The following SLC7A14 variants were observed in gnomAD, a reference collection of about 807,000 sequenced individuals.
The protein encoded by SLC7A14 is solute carrier family 7 member 14, also known as gamma-aminobutyric acid transporter SLC7A14.
In SLC7A14, 37 loss-of-function variants were observed where a neutral mutation model predicts 60.2. That is an observed-to-expected ratio of 0.61 (90% CI 0.47 to 0.81). The LOEUF is 0.81. SLC7A14 is among the 30% of genes least tolerant of loss of function. The pLI, the probability that SLC7A14 is intolerant of heterozygous loss-of-function variation, is 0.00. For missense variants in SLC7A14, 886 were observed against 982.7 expected (o/e 0.90, Z 1.32); for synonymous variants, 399 against 395.8 (o/e 1.01, Z -0.10).
chr3:170,503,047 A>G (rs1577518977), intron 2 of SLC7A14: 1 of 152,324 alleles, frequency 6.6e-6, no homozygotes, highest in East Asian at 1.9e-4. Context: ...TTTCTTTTAC[A>G]TCAGTTACAA....
At chr3:170,581,052 G>C (rs1381847033) in intron 1 of SLC7A14, among the ~76,000 whole-genome samples, 1 of 152,122 alleles carries the variant, frequency 6.6e-6, no homozygotes, top group Non-Finnish European at 1.5e-5. Flanking sequence ...AGATGCATAA[G>C]GTTCTCCTAA....
intron 1 of SLC7A14, among the ~76,000 whole-genome samples, chr3:170,557,750 T>C (rs961145688): frequency 2.0e-5 from 3 of 152,132 alleles, no homozygotes; most frequent in Non-Finnish European, 4.4e-5. Context: ...ATTGTAAGGA[T>C]TAAAGGAGAT....
intron 1 of SLC7A14, among the ~76,000 whole-genome samples, chr3:170,527,781 T>C (rs1713557000): frequency 6.6e-6 from 1 of 152,162 alleles, no homozygotes; most frequent in Non-Finnish European, 1.5e-5. Context: ...CACACAACTT[T>C]TAGATATTTT....
intron 4 of SLC7A14, chr3:170,496,088 C>T: frequency 1.6e-6 from 2 of 1,231,536 alleles, no homozygotes; most frequent in Non-Finnish European, 2.4e-6. Flanking sequence ...GGCTGACTGA[C>T]GAGATCAACT....
chr3:170,546,922 C>T (rs543438872), intron 1 of SLC7A14, among the ~76,000 whole-genome samples: 17 of 152,252 alleles, frequency 1.1e-4, no homozygotes, highest in African/African-American at 4.1e-4. Flanking sequence ...GCTCACAGCC[C>T]TTATACACAT....
intron 1 of SLC7A14, among the ~76,000 whole-genome samples, chr3:170,548,610 C>T (rs1388753175): frequency 6.6e-6 from 1 of 152,182 alleles, no homozygotes; most frequent in Non-Finnish European, 1.5e-5. Flanking sequence ...GGAAACTTAA[C>T]AAAATAAAAG....
At chr3:170,559,476 A>G (rs1441546429) in intron 1 of SLC7A14, among the ~76,000 whole-genome samples, 1 of 152,198 alleles carries the variant, frequency 6.6e-6, no homozygotes, top group Non-Finnish European at 1.5e-5. Context: ...CTATTATAAT[A>G]GTTTTAAAAT....
intron 7 of SLC7A14, among the ~76,000 whole-genome samples, chr3:170,478,941 G>A (rs902356412): frequency 1.3e-5 from 2 of 152,068 alleles, no homozygotes; most frequent in African/African-American, 4.8e-5. Flanking sequence ...GGCCAACATG[G>A]TGAAACCCTA....
intron 7 of SLC7A14, among the ~76,000 whole-genome samples, chr3:170,474,551 C>T (rs939570031): frequency 1.3e-5 from 2 of 152,092 alleles, no homozygotes; most frequent in Non-Finnish European, 2.9e-5. Flanking sequence ...TGGAAGAGCC[C>T]GTTTTTTTTT....
At chr3:170,503,899 T>C (rs1001197419) in intron 2 of SLC7A14, among the ~76,000 whole-genome samples, 1 of 152,226 alleles carries the variant, frequency 6.6e-6, no homozygotes, top group African/African-American at 2.4e-5. Flanking sequence ...GCCCTGGCTG[T>C]GCATGGTATA....
chr3:170,493,511 G>A (rs1712283402), intron 4 of SLC7A14, among the ~76,000 whole-genome samples: 1 of 152,156 alleles, frequency 6.6e-6, no homozygotes, highest in Non-Finnish European at 1.5e-5. Flanking sequence ...AGAATAAAGT[G>A]GGTTGGACCT....
chr3:170,504,301 A>AAT (rs1712701103), intron 2 of SLC7A14, among the ~76,000 whole-genome samples: 1 of 151,978 alleles, frequency 6.6e-6, no homozygotes, highest in Non-Finnish European at 1.5e-5. Flanking sequence ...ATGGAAATGG[A>AAT]ATTTTATTTT....
chr3:170,475,893 A>T (rs1262473618), intron 7 of SLC7A14, among the ~76,000 whole-genome samples: 1 of 152,016 alleles, frequency 6.6e-6, no homozygotes, highest in Non-Finnish European at 1.5e-5. Flanking sequence ...TTGTATTTTT[A>T]GTAGAGACGG....
chr3:170,496,263 G>A, intron 4 of SLC7A14: 2 of 961,128 alleles, frequency 2.1e-6, no homozygotes, highest in Admixed American at 3.4e-5. Flanking sequence ...CTGGGCTGAG[G>A]CTGAGAGCAT....
Position 170,543,358 on chromosome 3 carries a change from G to A in SLC7A14, c.-152-16270C>T, listed in dbSNP as rs114771562. ...GTCACGGTCCCTCTGTCTTTAAGAA[G>A]CACAGTCTCCACCGGGTGCAGTGGC... On this transcript the variant is annotated intron_variant, in intron 1 of 7. Coordinates refer to ENST00000231706, the MANE Select transcript of SLC7A14 (RefSeq NM_020949.3). Among the ~76,000 whole-genome samples the A allele has an allele frequency of 5.0e-3, 755 of 152,196 alleles. 6 individuals are homozygous for A. Among genetic ancestry groups the A allele is most frequent in the African/African-American group, 0.017 (721 of 41,548 alleles).
intron 1 of SLC7A14, among the ~76,000 whole-genome samples, chr3:170,572,017 T>C (rs1714968480): frequency 7.2e-6 from 1 of 138,252 alleles, no homozygotes; most frequent in Admixed American, 8.3e-5. Flanking sequence ...GCCAAGACTG[T>C]GCCACTGCAC....
Position 170,488,148 on chromosome 3 carries a change from C to T in SLC7A14, c.760-1780G>A, listed in dbSNP as rs548208889. Among the ~76,000 whole-genome samples, 13 of 152,284 alleles carry T rather than the reference C, an allele frequency of 8.5e-5. No homozygotes were observed. In the South Asian group the frequency reaches 1.5e-3, roughly 17 times the overall value. ...TGAATTCGTGTGTAATTAGGCTATT[C>T]ATTTAAAATCACAATTCTCATAAGG... On this transcript the variant is annotated intron_variant, in intron 4 of 7. Transcript: ENST00000231706.
At chr3:170,556,605 A>C (rs1472086499) in intron 1 of SLC7A14, among the ~76,000 whole-genome samples, 1 of 152,208 alleles carries the variant, frequency 6.6e-6, no homozygotes, top group African/African-American at 2.4e-5. Context: ...CCTGGATGAC[A>C]ACAAAAAAGT....
chr3:170,580,083 G>A (rs1715195910), intron 1 of SLC7A14, among the ~76,000 whole-genome samples: 2 of 152,216 alleles, frequency 1.3e-5, no homozygotes, highest in South Asian at 4.1e-4. Context: ...AGGGAATACT[G>A]AATTCTTGGT....
Sources: gnomAD v4.1 joint callset for allele counts (sites outside exome capture counted in the v4.1 genomes callset) on GRCh38, gnomAD v4.1.1 for gene constraint, MANE v1.5 for transcripts, NCBI Gene and HGNC (gene_info 2026-07-23, HGNC 2026-07-21) for gene names.